The following PDZRN4 variants were observed in gnomAD, a reference collection of about 807,000 sequenced individuals.
PDZRN4 encodes PDZ domain-containing RING finger protein 4.
Under a neutral mutation model 99.0 loss-of-function variants are expected in PDZRN4, and 70 were observed. The ratio of observed to expected loss-of-function variants is 0.71; its 90% CI spans 0.58 to 0.86. The LOEUF is 0.86. Ranked by LOEUF, PDZRN4 falls within the 40% of genes least tolerant of loss-of-function variation. The pLI, the probability that PDZRN4 is intolerant of heterozygous loss-of-function variation, is 0.00. For synonymous variants in PDZRN4, 551 were observed against 501.6 expected (o/e 1.10, Z -1.32); for missense variants, 1,474 against 1,331.2 (o/e 1.11, Z -1.67).
At chr12:41,403,598 TGG>T (rs1952320686) in intron 3 of PDZRN4, among the ~76,000 whole-genome samples, 1 of 152,090 alleles carries the variant, frequency 6.6e-6, no homozygotes, top group Non-Finnish European at 1.5e-5. Flanking sequence ...TTGGTTCTTG[TGG>T]GGGTTGGGAT....
chr12:41,270,752 C>A lies in PDZRN4; in HGVS notation c.843+76564C>A, dbSNP rs1951310030. The stretch of plus-strand genomic sequence containing the variant: ...TGGAAGAAATGATGCAGATTACATG[C>A]AAAATTTATTCATTCTTTTATTAAT... On this transcript the variant is annotated intron_variant, in intron 3 of 9. Transcript: ENST00000402685. Among the ~76,000 whole-genome samples the A allele has an allele frequency of 3.9e-5, 6 of 152,030 alleles. No individual in the cohort carries two copies. In the South Asian group the frequency reaches 1.2e-3, roughly 32 times the overall value.
intron 9 of PDZRN4, among the ~76,000 whole-genome samples, chr12:41,568,341 C>G (rs1007232417): frequency 2.0e-5 from 3 of 152,144 alleles, no homozygotes; most frequent in African/African-American, 7.2e-5. Flanking sequence ...TGTAAGCCAT[C>G]AGTTTTATTT....
rs547212194 is a variant in PDZRN4, at chr12:41,501,649, G to A, written c.844-4807G>A. Among the ~76,000 whole-genome samples the A allele has an allele frequency of 2.3e-4, 35 of 152,238 alleles. 1 individual carries two copies. Among genetic ancestry groups the A allele is most frequent in the African/African-American group, 8.2e-4 (34 of 41,576 alleles). ...TTACATTGATCACTGAAAAGTGATTGCTTTTTCTTTATCCACTTAAGATTA... is the reference window on the plus strand; with the variant it reads ...TTACATTGATCACTGAAAAGTGATTACTTTTTCTTTATCCACTTAAGATTA... On this transcript the variant is annotated intron_variant, in intron 3 of 9. Coordinates refer to ENST00000402685, the MANE Select transcript of PDZRN4 (RefSeq NM_001164595.2).
intron 3 of PDZRN4, among the ~76,000 whole-genome samples, chr12:41,238,824 G>A (rs1271994243): frequency 1.6e-4 from 25 of 152,268 alleles, no homozygotes; most frequent in Non-Finnish European, 1.2e-4. Context: ...AGATGCTGGC[G>A]AGGTTGTATA....
At chr12:41,479,207 G>A (rs1170464352) in intron 3 of PDZRN4, among the ~76,000 whole-genome samples, 2 of 152,272 alleles carry the variant, frequency 1.3e-5, no homozygotes, top group Non-Finnish European at 2.9e-5. Flanking sequence ...TTGGATGTGG[G>A]TATCTGTTTT....
intron 3 of PDZRN4, among the ~76,000 whole-genome samples, chr12:41,401,611 T>C (rs1469418701): frequency 1.3e-5 from 2 of 152,170 alleles, no homozygotes; most frequent in African/African-American, 2.4e-5. Flanking sequence ...TTCTTTGCCA[T>C]TCTAGTCTTC....
At chr12:41,412,803 A>G (rs1952410082) in intron 3 of PDZRN4, among the ~76,000 whole-genome samples, 2 of 152,128 alleles carry the variant, frequency 1.3e-5, no homozygotes, top group East Asian at 1.9e-4. Context: ...TAATAGCCAT[A>G]ACTAGGCCAG....
intron 3 of PDZRN4, among the ~76,000 whole-genome samples, chr12:41,489,621 AT>A (rs1361785899): frequency 6.6e-6 from 1 of 151,520 alleles, no homozygotes; most frequent in African/African-American, 2.4e-5. Flanking sequence ...TTATTATTTT[AT>A]TTTGAAAGAT....
At chr12:41,422,211 GA>G (rs1277382574) in intron 3 of PDZRN4, among the ~76,000 whole-genome samples, 1 of 152,070 alleles carries the variant, frequency 6.6e-6, no homozygotes, top group East Asian at 1.9e-4. Flanking sequence ...GATTAAAGCA[GA>G]AAAAGAAGTC....
intron 3 of PDZRN4, among the ~76,000 whole-genome samples, chr12:41,467,416 A>G (rs969041079): frequency 6.6e-6 from 1 of 152,218 alleles, no homozygotes; most frequent in African/African-American, 2.4e-5. Context: ...ATGATTCACA[A>G]TTGAACTGTT....
At chr12:41,267,200 A>G (rs1255498689) in intron 3 of PDZRN4, among the ~76,000 whole-genome samples, 3 of 152,216 alleles carry the variant, frequency 2.0e-5, no homozygotes, top group Non-Finnish European at 2.9e-5. Flanking sequence ...TGTATAATGA[A>G]ACAAAAATAT....
chr12:41,567,750 C>G, intron 8 of PDZRN4, 33 bp from the exon 9 acceptor site: 1 of 1,392,380 alleles, frequency 7.2e-7, no homozygotes, highest in Non-Finnish European at 1.0e-6. Context: ...TTCTCACTAA[C>G]ATAATATAAT....
intron 3 of PDZRN4, chr12:41,477,876 T>C (rs774991566): frequency 6.5e-7 from 1 of 1,548,900 alleles, no homozygotes; most frequent in South Asian, 1.2e-5. Context: ...TAAGAGACAA[T>C]TTTTCCTTAA....
intron 5 of PDZRN4, among the ~76,000 whole-genome samples, chr12:41,551,180 A>G (rs1939047056): frequency 6.6e-6 from 1 of 152,096 alleles, no homozygotes; most frequent in African/African-American, 2.4e-5. Flanking sequence ...CCTGTTCCTC[A>G]TAGAGGTCAC....
intron 3 of PDZRN4, among the ~76,000 whole-genome samples, chr12:41,211,222 A>AG (rs1163318948): frequency 1.3e-5 from 2 of 151,932 alleles, no homozygotes; most frequent in East Asian, 3.9e-4. Flanking sequence ...TTTGTCCCTG[A>AG]GGGGGAAAAC....
chr12:41,294,455 TA>T (rs1951477119), intron 3 of PDZRN4, among the ~76,000 whole-genome samples: 1 of 152,132 alleles, frequency 6.6e-6, no homozygotes, highest in Non-Finnish European at 1.5e-5. Flanking sequence ...TTTCAATGGA[TA>T]AAAATATAAG....
chr12:41,448,426 GAC>G (rs1048964003), intron 3 of PDZRN4, among the ~76,000 whole-genome samples: 1 of 152,034 alleles, frequency 6.6e-6, no homozygotes, highest in Non-Finnish European at 1.5e-5. Flanking sequence ...CTGAGTCCAG[GAC>G]AGAGTCAGTT....
intron 9 of PDZRN4, among the ~76,000 whole-genome samples, chr12:41,571,837 G>A (rs145031305): frequency 6.6e-6 from 1 of 152,118 alleles, no homozygotes; most frequent in East Asian, 1.9e-4. Context: ...AGTACATAAT[G>A]TTAACTTAGT....
chr12:41,570,202 A>G (rs956359409), intron 9 of PDZRN4, among the ~76,000 whole-genome samples: 3 of 152,154 alleles, frequency 2.0e-5, no homozygotes, highest in African/African-American at 7.2e-5. Flanking sequence ...CCATGAGACT[A>G]AAAAATGGTG....
Sources: allele counts gnomAD v4.1 joint callset (sites outside exome capture counted in the v4.1 genomes callset), GRCh38; gene constraint gnomAD v4.1.1; transcripts MANE v1.5; gene names NCBI Gene and HGNC (gene_info 2026-07-23, HGNC 2026-07-21).